Variants in UGT1A6 observed in about 807,000 individuals in gnomAD.
UGT1A6 encodes the protein UDP glucuronosyltransferase family 1 member A6.
In UGT1A6, 32 loss-of-function variants were observed where a neutral mutation model predicts 44.4. That is an observed-to-expected ratio of 0.72 (90% CI 0.54 to 0.97). The LOEUF is 0.97. UGT1A6 is among the 50% of genes least tolerant of loss of function. The pLI, the probability that UGT1A6 is intolerant of heterozygous loss-of-function variation, is 0.00. For missense variants in UGT1A6, 685 were observed against 661.9 expected (o/e 1.03, Z -0.38); for synonymous variants, 238 against 248.5 (o/e 0.96, Z 0.40).
At chr2:233,704,691 T>C (rs749758389) in intron 1 of UGT1A6, among the ~76,000 whole-genome samples, 31 of 152,224 alleles carry the variant, frequency 2.0e-4, no homozygotes, top group Non-Finnish European at 4.3e-4. Flanking sequence ...AGTTACCTTA[T>C]GGTATCATTT....
chr2:233,743,469 A>T, intron 1 of UGT1A6: 3 of 1,366,764 alleles, frequency 2.2e-6, no homozygotes, highest in Non-Finnish European at 2.9e-6. Flanking sequence ...CACCCCCAAA[A>T]GCTGGAAATT....
rs145652010 is a variant in UGT1A6 at position 233,744,794 on chromosome 2, G to C, written c.862-22240G>C. On this transcript the variant is annotated intron_variant, in intron 1 of 4. Coordinates refer to ENST00000305139, the MANE Select transcript of UGT1A6 (RefSeq NM_001072.4). ...CAAAATTCTCCTGAAAAATTCTTGG[G>C]GATCCCTAGGATTTCCTGGCTCATA... 2.6e-3 allele frequency among the ~76,000 whole-genome samples: 393 copies of C among 151,892 alleles called. 13 individuals are homozygous for C. The highest frequency in any genetic ancestry group is 8.3e-3 in the African/African-American group (341 of 41,188).
At chr2:233,712,570 G>T (rs2125629003) in intron 1 of UGT1A6, among the ~76,000 whole-genome samples, 1 of 152,240 alleles carries the variant, frequency 6.6e-6, no homozygotes, top group South Asian at 2.1e-4. Flanking sequence ...TAGCAAATAG[G>T]GTCACATCCA....
rs12471326 is a variant in UGT1A6 at position 233,767,812 on chromosome 2, T to C, written c.994-37T>C. ...AGATTTGTTTTCTAATCATATTATGTTCTTTCTTTACGTTCTGCTCTTTTT... is the reference window on the plus strand; with the variant it reads ...AGATTTGTTTTCTAATCATATTATGCTCTTTCTTTACGTTCTGCTCTTTTT... On this transcript the variant is annotated intron_variant, in intron 2 of 4. Transcript: ENST00000305139. The C allele has an allele frequency of 0.03, 48,630 of 1,614,140 alleles. 974 individuals are homozygous for C. The highest frequency in any genetic ancestry group is 0.09 in the Admixed American group (5,377 of 60,016).
In UGT1A6 at chr2:233,747,480, G is replaced by C. The variant is rs1693691129; in HGVS notation, c.862-19554G>C. On this transcript the variant is annotated intron_variant, in intron 1 of 4. Transcript: ENST00000305139. ...CATTTCATGGACCCAGGATGAATTT[G>C]ATCGCCTTGTGCTGGGCCACACTCA... is the stretch of plus-strand genomic sequence containing the variant. 6 of 1,608,868 alleles carry C rather than the reference G, an allele frequency of 3.7e-6. No homozygotes were observed. The South Asian group carries it at 5.5e-5, about 15-fold the overall frequency.
At chr2:233,695,071 T>G (rs1160759504) in intron 1 of UGT1A6, among the ~76,000 whole-genome samples, 1 of 152,202 alleles carries the variant, frequency 6.6e-6, no homozygotes, top group Non-Finnish European at 1.5e-5. Context: ...TATCGCACTT[T>G]GGACTTACTC....
At chr2:233,746,983 G>T (rs1426069164) in intron 1 of UGT1A6, among the ~76,000 whole-genome samples, 1 of 151,820 alleles carries the variant, frequency 6.6e-6, no homozygotes, top group Non-Finnish European at 1.5e-5. Context: ...AGCGAGCGCA[G>T]GGTCAGATGA....
intron 1 of UGT1A6, among the ~76,000 whole-genome samples, chr2:233,731,521 G>T (rs1358049437): frequency 1.3e-5 from 2 of 152,162 alleles, no homozygotes; most frequent in African/African-American, 2.4e-5. Context: ...ACCTATGAGT[G>T]AGAACATGCG....
intron 1 of UGT1A6, chr2:233,747,401 A>G: frequency 6.2e-7 from 1 of 1,606,744 alleles, no homozygotes; most frequent in East Asian, 2.2e-5. Flanking sequence ...TCCTCACCCC[A>G]GAGGTGAATA....
Position 233,767,016 on chromosome 2 carries a change from T to A in UGT1A6, c.862-18T>A, listed in dbSNP as rs182710200. ...AATATGAGAAAAAATTAACTGAAAATTTTTCTTCTGGCTCTAGGAATTTGA... is the reference window on the plus strand; with the variant it reads ...AATATGAGAAAAAATTAACTGAAAAATTTTCTTCTGGCTCTAGGAATTTGA... On this transcript the variant is annotated intron_variant, in intron 1 of 4. Transcript: ENST00000305139. 2.5e-5 allele frequency: 40 copies of A among 1,613,838 alleles called. No individual in the cohort carries two copies. The Middle Eastern group carries it at 6.6e-4, about 27-fold the overall frequency.
chr2:233,760,998 C>T (rs1369783317), intron 1 of UGT1A6: 2 of 1,614,036 alleles, frequency 1.2e-6, no homozygotes, highest in Non-Finnish European at 1.7e-6. Flanking sequence ...CCTCAGAATT[C>T]CTTCAGAGAG....
chr2:233,694,249 C>T (rs1192923893), intron 1 of UGT1A6, among the ~76,000 whole-genome samples: 2 of 151,962 alleles, frequency 1.3e-5, no homozygotes, highest in African/African-American at 2.4e-5. Flanking sequence ...GACCTTGAGC[C>T]AGGGACCAGC....
intron 1 of UGT1A6, among the ~76,000 whole-genome samples, chr2:233,765,833 T>G (rs532731627): frequency 6.6e-6 from 1 of 152,182 alleles, no homozygotes; most frequent in Admixed American, 6.5e-5. Flanking sequence ...ACAGGAAAAC[T>G]TTCCTTGTCC....
chr2:233,743,079 G>C, intron 1 of UGT1A6: 3 of 345,058 alleles, frequency 8.7e-6, no homozygotes, highest in South Asian at 6.9e-5. Flanking sequence ...TTGGCATGAA[G>C]TGTTTATAAA....
chr2:233,744,469 A>G (rs965200544), intron 1 of UGT1A6, among the ~76,000 whole-genome samples: 1 of 151,962 alleles, frequency 6.6e-6, no homozygotes, highest in African/African-American at 2.4e-5. Flanking sequence ...AGAATTAAAA[A>G]GACATATTAA....
At chr2:233,718,400 G>C (rs565525748) in intron 1 of UGT1A6, among the ~76,000 whole-genome samples, 7 of 152,362 alleles carry the variant, frequency 4.6e-5, no homozygotes, top group Admixed American at 3.9e-4. Flanking sequence ...TTAGCAAATA[G>C]CGTCACATTC....
rs1469426427 is a variant in UGT1A6, at chr2:233,723,650, T to C, written c.861+29785T>C. Among the ~76,000 whole-genome samples, 5 of 102,194 alleles carry C rather than the reference T, an allele frequency of 4.9e-5. 1 individual carries two copies. Among genetic ancestry groups the C allele is most frequent in the African/African-American group, 1.4e-4 (3 of 21,894 alleles). 67.0% of individuals were successfully genotyped at this position (102,194 alleles called of 152,430 possible). A position where few individuals can be genotyped will look rare whatever the true frequency, so the allele number is the denominator to read the frequency against. On this transcript the variant is annotated intron_variant, in intron 1 of 4. Coordinates refer to ENST00000305139, the MANE Select transcript of UGT1A6 (RefSeq NM_001072.4). ...AGATAAACAAGTGAACAAAGGTCTC[T>C]GGTTTTCCCAGGCAGAGGACCCTGC...
At chr2:233,695,130 C>CTTTTTT (rs71398796) in intron 1 of UGT1A6, among the ~76,000 whole-genome samples, 1 of 138,838 alleles carries the variant, frequency 7.2e-6, no homozygotes, top group Non-Finnish European at 1.5e-5. Flanking sequence ...CTTTTCTTTT[C>CTTTTTT]TTTTTTTTTT....
intron 1 of UGT1A6, chr2:233,719,760 T>C: frequency 1.2e-6 from 2 of 1,612,360 alleles, no homozygotes; most frequent in Non-Finnish European, 1.7e-6. Context: ...TACTTACAAG[T>C]GCTTCCATAT....
Sources: gnomAD v4.1 joint callset for allele counts (sites outside exome capture counted in the v4.1 genomes callset) on GRCh38, gnomAD v4.1.1 for gene constraint, MANE v1.5 for transcripts, NCBI Gene and HGNC (gene_info 2026-07-23, HGNC 2026-07-21) for gene names.